Variants in DACH2 observed in about 807,000 individuals in gnomAD.
DACH2 encodes the protein dachshund homolog 2.
In DACH2, 17 loss-of-function variants were observed where a neutral mutation model predicts 35.8. The observed-to-expected ratio is 0.48, with a 90% CI of 0.33 to 0.71. The LOEUF is 0.71. Ranked by LOEUF, DACH2 falls within the 30% of genes least tolerant of loss-of-function variation. The pLI, the probability that DACH2 is intolerant of heterozygous loss-of-function variation, is 0.02. For synonymous variants in DACH2, 195 were observed against 177.3 expected, an observed-to-expected ratio of 1.10 and a Z score of -0.79; for missense variants, 469 against 472.7, an observed-to-expected ratio of 0.99 and a Z score of 0.07.
chrX:86,242,536 G>A (rs1425098065), intron 1 of DACH2, among the ~76,000 whole-genome samples: 1 of 112,024 alleles, frequency 8.9e-6, no homozygotes, highest in African/African-American at 3.2e-5. Context: ...TCTCAGATGA[G>A]ACTTTGGACT....
At chrX:86,594,149 T>A (rs1165947018) in intron 3 of DACH2, among the ~76,000 whole-genome samples, 2 of 111,900 alleles carry the variant, frequency 1.8e-5, no homozygotes, top group Non-Finnish European at 3.8e-5. Flanking sequence ...GTTTATAATA[T>A]TCCTTTATTA....
intron 1 of DACH2, among the ~76,000 whole-genome samples, chrX:86,176,506 G>A (rs2031308020): frequency 9.0e-6 from 1 of 111,075 alleles, no homozygotes; most frequent in African/African-American, 3.3e-5. Context: ...AGTTGCTAAG[G>A]ATTAAGAGAG....
intron 11 of DACH2, among the ~76,000 whole-genome samples, chrX:86,820,054 T>C (rs2042494359): frequency 9.0e-6 from 1 of 111,222 alleles, no homozygotes; most frequent in African/African-American, 3.3e-5. Flanking sequence ...TTTTAGAAAA[T>C]AGACAACTGC....
At chrX:86,559,974 C>A (rs1472364578) in intron 3 of DACH2, among the ~76,000 whole-genome samples, 1 of 58,099 alleles carries the variant, frequency 1.7e-5, no homozygotes, top group Admixed American at 1.5e-4. Context: ...TGAATTTGAT[C>A]CTGTCATTAT....
chrX:86,190,869 G>A (rs1316434975), intron 1 of DACH2, among the ~76,000 whole-genome samples: 1 of 111,509 alleles, frequency 9.0e-6, no homozygotes, highest in African/African-American at 3.3e-5. Flanking sequence ...ACTTGAACCC[G>A]GGAGGTGGAG....
chrX:86,382,202 G>A (rs1569370838), intron 2 of DACH2, among the ~76,000 whole-genome samples: 2 of 108,611 alleles, frequency 1.8e-5, no homozygotes, highest in East Asian at 5.8e-4. Flanking sequence ...TGAGACACGT[G>A]CCCCCTTTAT....
intron 2 of DACH2, among the ~76,000 whole-genome samples, chrX:86,405,115 G>T (rs1028892748): frequency 9.0e-6 from 1 of 111,543 alleles, no homozygotes; most frequent in Non-Finnish European, 1.9e-5. Flanking sequence ...CTAGGTCTTG[G>T]GGTCTGTGAT....
intron 7 of DACH2, among the ~76,000 whole-genome samples, chrX:86,743,038 T>G (rs2041673456): frequency 8.9e-6 from 1 of 111,744 alleles, no homozygotes; most frequent in Non-Finnish European, 1.9e-5. Flanking sequence ...TTAACTATGT[T>G]TAAATGATTC....
chrX:86,765,993 C>T (rs1173038919), intron 7 of DACH2, among the ~76,000 whole-genome samples: 1 of 109,960 alleles, frequency 9.1e-6, no homozygotes, highest in East Asian at 2.9e-4. Context: ...GTACACCATT[C>T]TTGAAACTTA....
At chrX:86,819,238 G>C (rs2042484279) in intron 11 of DACH2, among the ~76,000 whole-genome samples, 1 of 109,926 alleles carries the variant, frequency 9.1e-6, no homozygotes, top group Non-Finnish European at 1.9e-5. Flanking sequence ...ATCACGCAAT[G>C]TGTATATACT....
At chrX:86,804,688 G>T (rs949351927) in intron 7 of DACH2, among the ~76,000 whole-genome samples, 2 of 94,859 alleles carry the variant, frequency 2.1e-5, no homozygotes, top group African/African-American at 8.0e-5. Flanking sequence ...AACAATGAGG[G>T]TATAGGCATT....
intron 2 of DACH2, among the ~76,000 whole-genome samples, chrX:86,430,054 G>A (rs776738560): frequency 9.8e-5 from 11 of 112,403 alleles, no homozygotes; most frequent in African/African-American, 3.2e-4. Context: ...GAAGTCCAGT[G>A]ACAAATTCTG....
chrX:86,161,190 A>G lies in DACH2; in HGVS notation c.488+12082A>G, dbSNP rs1164276474. 10 of 1,175,090 alleles carry G rather than the reference A, an allele frequency of 8.5e-6. No homozygotes were observed. The South Asian group carries it at 1.1e-4, about 12-fold the overall frequency. On this transcript the variant is annotated intron_variant, in intron 1 of 11. Transcript: ENST00000373125. ...GCTGCAGGGTGGCTCAGTGGAATCC[A>G]TTTTGTTAACACCAACAATTAGTTG...
chrX:86,241,844 G>C (rs1370219237), intron 1 of DACH2, among the ~76,000 whole-genome samples: 2 of 112,581 alleles, frequency 1.8e-5, no homozygotes, highest in African/African-American at 6.5e-5. Flanking sequence ...CCAAGGAACA[G>C]CTCAGGCCAT....
chrX:86,409,040 TC>T (rs2036568906), intron 2 of DACH2, among the ~76,000 whole-genome samples: 1 of 111,772 alleles, frequency 8.9e-6, no homozygotes, highest in Non-Finnish European at 1.9e-5. Flanking sequence ...TCCAGGATAG[TC>T]CAGGGGAGTA....
intron 2 of DACH2, among the ~76,000 whole-genome samples, chrX:86,444,120 T>A (rs1346531464): frequency 9.0e-6 from 1 of 111,716 alleles, no homozygotes; most frequent in Non-Finnish European, 1.9e-5. Context: ...AGATAAGGCC[T>A]TGCCCTGTCA....
chrX:86,536,840 A>G (rs777887093), intron 3 of DACH2, among the ~76,000 whole-genome samples: 117 of 112,087 alleles, frequency 1.0e-3, no homozygotes, highest in Admixed American at 1.7e-3. Context: ...GACAGAGGCC[A>G]TTGTCCTTAA....
chrX:86,172,474 A>G (rs2031156183), intron 1 of DACH2, among the ~76,000 whole-genome samples: 1 of 112,082 alleles, frequency 8.9e-6, no homozygotes, highest in African/African-American at 3.2e-5. Context: ...TATTCTCACA[A>G]CAATCCTATG....
intron 3 of DACH2, among the ~76,000 whole-genome samples, chrX:86,581,674 C>T (rs1381498270): frequency 2.7e-5 from 3 of 111,522 alleles, no homozygotes; most frequent in African/African-American, 9.8e-5. Context: ...TTCAATTCAA[C>T]AAGAAGAAGT....
Sources: gnomAD v4.1 joint callset for allele counts (sites outside exome capture counted in the v4.1 genomes callset) on GRCh38, gnomAD v4.1.1 for gene constraint, MANE v1.5 for transcripts, NCBI Gene and HGNC (gene_info 2026-07-23, HGNC 2026-07-21) for gene names.